LIMD1: variants seen among roughly 807,000 people sequenced by gnomAD.
LIMD1 encodes LIM domain-containing protein 1.
LIMD1 carries 23 observed loss-of-function variants against 58.4 expected under a neutral mutation model. That is an observed-to-expected ratio of 0.39 (90% CI 0.28 to 0.56). The LOEUF (loss-of-function observed/expected upper bound fraction) is 0.56. Among genes scored for constraint, LIMD1 ranks in the 20% least tolerant of loss-of-function variants. The pLI, the probability that LIMD1 is intolerant of heterozygous loss-of-function variation, is 0.57. For synonymous variants in LIMD1, 334 were observed against 345.5 expected (o/e 0.97, Z 0.37); for missense variants, 838 against 855.5 (o/e 0.98, Z 0.25).
At chr3:45,625,346 C>T (rs79884780) in intron 1 of LIMD1, among the ~76,000 whole-genome samples, 253 of 152,118 alleles carry the variant, frequency 1.7e-3, no homozygotes, top group African/African-American at 5.6e-3. Context: ...CAAGAAATGC[C>T]GAGTACCTCA....
At chr3:45,649,424 G>C (rs1701939970) in intron 2 of LIMD1, among the ~76,000 whole-genome samples, 1 of 151,656 alleles carries the variant, frequency 6.6e-6, no homozygotes, top group Admixed American at 6.6e-5. Context: ...GCTCACGCCT[G>C]TAATCCCAGC....
chr3:45,643,196 G>T (rs1228676723), intron 2 of LIMD1, among the ~76,000 whole-genome samples: 1 of 152,142 alleles, frequency 6.6e-6, no homozygotes, highest in Non-Finnish European at 1.5e-5. Flanking sequence ...TTCAAGAATA[G>T]TCTGGGAGGC....
chr3:45,679,661 C>G lies in LIMD1; in HGVS notation c.*2602C>G, dbSNP rs745397139. On this transcript the variant is annotated 3_prime_UTR_variant, in exon 8 of 8. Coordinates refer to ENST00000273317, the MANE Select transcript of LIMD1 (RefSeq NM_014240.3). ...GCCAGCCTCCATCTTAGGCCTTTGC[C>G]TCATTGTGCCTTTTAGGTTTTCTTA... 3 of 152,194 alleles carry G rather than the reference C, an allele frequency of 2.0e-5. No individual in the cohort carries two copies. Among genetic ancestry groups the G allele is most frequent in the Non-Finnish European group, 4.4e-5 (3 of 68,050 alleles). 9.4% of individuals were successfully genotyped at this position (152,194 alleles called of 1,614,324 possible).
chr3:45,624,925 G>T (rs1701656098), intron 1 of LIMD1, among the ~76,000 whole-genome samples: 1 of 150,982 alleles, frequency 6.6e-6, no homozygotes, highest in Admixed American at 6.6e-5. Flanking sequence ...CTGGGAGAGT[G>T]GAGTAGGTGC....
rs571278495 is a variant in LIMD1, at chr3:45,673,355, C to T, written c.1773-99C>T. Reference sequence around the variant, plus strand: ...AGGGAGGAGAGCAAGGGGCAGGAGGCGGCATGGAGGAAGGCTCCATGTGGA... The same window carrying T: ...AGGGAGGAGAGCAAGGGGCAGGAGGTGGCATGGAGGAAGGCTCCATGTGGA... On this transcript the variant is annotated intron_variant, in intron 5 of 7. Coordinates refer to ENST00000273317, the MANE Select transcript of LIMD1 (RefSeq NM_014240.3). 21 of 889,080 alleles carry T rather than the reference C, an allele frequency of 2.4e-5. 2 individuals are homozygous for T. The highest frequency in any genetic ancestry group is 3.4e-5 in the Non-Finnish European group (18 of 528,012). The allele number at this position is 889,080 out of a possible 1,614,324, so 55.1% of individuals were successfully genotyped here.
At chr3:45,651,036 A>G (rs1188131868) in intron 2 of LIMD1, among the ~76,000 whole-genome samples, 1 of 142,112 alleles carries the variant, frequency 7.0e-6, no homozygotes, top group Non-Finnish European at 1.5e-5. Context: ...ATTCTAACTG[A>G]CATGAGATGG....
chr3:45,607,916 C>T (rs865796867), intron 1 of LIMD1, among the ~76,000 whole-genome samples: 2 of 152,206 alleles, frequency 1.3e-5, no homozygotes, highest in African/African-American at 2.4e-5. Context: ...CGTTTGCTCG[C>T]GTGATGGTTA....
intron 2 of LIMD1, among the ~76,000 whole-genome samples, chr3:45,649,478 G>A (rs928276511): frequency 2.6e-5 from 4 of 151,266 alleles, no homozygotes; most frequent in Non-Finnish European, 5.9e-5. Context: ...TCAGAAGATC[G>A]AGACCATCCT....
intron 1 of LIMD1, among the ~76,000 whole-genome samples, chr3:45,629,412 C>CA (rs57306025): frequency 0.46 from 44,510 of 97,268 alleles, 8,896 homozygotes; most frequent in South Asian, 0.59. Flanking sequence ...ACTCTTGTCT[C>CA]AAAAAAAAAA....
intron 1 of LIMD1, among the ~76,000 whole-genome samples, chr3:45,633,121 A>G (rs907606184): frequency 2.0e-5 from 3 of 152,156 alleles, no homozygotes; most frequent in East Asian, 1.9e-4. Flanking sequence ...TCAGTTTCAT[A>G]CTGGTGGGGG....
At chr3:45,632,697 G>A (rs1701747368) in intron 1 of LIMD1, 1 of 237,534 alleles carries the variant, frequency 4.2e-6, no homozygotes, top group Non-Finnish European at 6.8e-6. Context: ...ACTAGGAGAG[G>A]CAAATGCCCA....
At chr3:45,661,941 A>G (rs144677477) in intron 2 of LIMD1, among the ~76,000 whole-genome samples, 177 of 152,254 alleles carry the variant, frequency 1.2e-3, no homozygotes, top group African/African-American at 4.2e-3. Flanking sequence ...TATTATTTGT[A>G]GAGATGGGAT....
chr3:45,634,734 C>G (rs1283234288), intron 1 of LIMD1, among the ~76,000 whole-genome samples: 1 of 152,190 alleles, frequency 6.6e-6, no homozygotes, highest in Non-Finnish European at 1.5e-5. Flanking sequence ...TCCCAATAAG[C>G]ACTTTGTAGT....
chr3:45,609,315 A>G (rs1295836635), intron 1 of LIMD1, among the ~76,000 whole-genome samples: 4 of 152,194 alleles, frequency 2.6e-5, no homozygotes, highest in Non-Finnish European at 4.4e-5. Flanking sequence ...ACTTGACTAC[A>G]TTTTGCGGTT....
intron 4 of LIMD1, among the ~76,000 whole-genome samples, chr3:45,668,943 G>A (rs1697557114): frequency 6.6e-6 from 1 of 152,134 alleles, no homozygotes; most frequent in African/African-American, 2.4e-5. Flanking sequence ...GATCCTTGTG[G>A]CATCCCAGGT....
At position 45,636,201 on chromosome 3, in the gene LIMD1, A is replaced by T; in HGVS notation, c.1460A>T (p.Gln487Leu). The change falls in exon 2 of 8, where the codon CAG becomes CTG. Residue 487 changes from glutamine (Q) to leucine (L), a missense_variant. By Grantham distance (113) the Gln-to-Leu change is moderately radical (BLOSUM62 -2). Transcript: ENST00000273317. Reference protein sequence around the residue: ...KGVFGAGQACQAMGNLYHDTC... With the variant: ...KGVFGAGQACLAMGNLYHDTC... Reference sequence around the variant, plus strand: ...GTGTTTGGGGCTGGCCAGGCCTGTCAGGCCATGGGGAACCTCTACCATGAC... The same window carrying T: ...GTGTTTGGGGCTGGCCAGGCCTGTCTGGCCATGGGGAACCTCTACCATGAC... 1.2e-6 allele frequency: 2 copies of T among 1,613,054 alleles called. No homozygotes were observed. The highest frequency in any genetic ancestry group is 2.2e-5 in the East Asian group (1 of 44,854).
intron 1 of LIMD1, among the ~76,000 whole-genome samples, chr3:45,630,550 A>G (rs907534029): frequency 8.5e-5 from 13 of 152,176 alleles, no homozygotes; most frequent in African/African-American, 3.1e-4. Flanking sequence ...AGGCCTTGTG[A>G]TTGAGGTCCC....
chr3:45,672,958 G>C, intron 5 of LIMD1, 138 bp downstream of exon 5: 1 of 1,018,236 alleles, frequency 9.8e-7, no homozygotes, highest in Non-Finnish European at 1.5e-6. Context: ...ATGGTTTTGA[G>C]GGGTACAGCA....
chr3:45,631,897 C>T (rs904651999), intron 1 of LIMD1, among the ~76,000 whole-genome samples: 3 of 152,184 alleles, frequency 2.0e-5, no homozygotes, highest in Non-Finnish European at 2.9e-5. Context: ...TGCACTGACA[C>T]GTGCAATTCA....
Sources: gnomAD v4.1 joint callset for allele counts (sites outside exome capture counted in the v4.1 genomes callset) on GRCh38, gnomAD v4.1.1 for gene constraint, MANE v1.5 for transcripts, NCBI Gene and HGNC (gene_info 2026-07-23, HGNC 2026-07-21) for gene names.